The following CA5B variants were observed in gnomAD, a reference collection of about 807,000 sequenced individuals.
CA5B encodes carbonic anhydrase 5B, mitochondrial.
Under a neutral mutation model 23.1 loss-of-function variants are expected in CA5B, and 15 were observed. The ratio of observed to expected loss-of-function variants is 0.65; its 90% CI spans 0.43 to 1.00. The LOEUF is 1.00. CA5B is among the 50% of genes least tolerant of loss of function. The probability of loss-of-function intolerance (pLI) is 0.00; values close to 1 mark genes in which losing one functional copy is unlikely to be tolerated. For missense variants in CA5B, 236 were observed against 252.2 expected, an observed-to-expected ratio of 0.94 and a Z score of 0.43; for synonymous variants, 84 against 98.5, an observed-to-expected ratio of 0.85 and a Z score of 0.87.
intron 2 of CA5B, chrX:15,750,515 GTTTA>G (rs1047475402): frequency 7.1e-6 from 1 of 140,720 alleles, no homozygotes; most frequent in Non-Finnish European, 1.4e-5. Context: ...GGAACCTGTT[GTTTA>G]TTATTTCTTG....
chrX:15,776,619 C>T (rs1356245954), intron 6 of CA5B, 95 bp from the exon 7 acceptor site: 14 of 675,601 alleles, frequency 2.1e-5, no homozygotes, highest in Non-Finnish European at 3.0e-5. Flanking sequence ...CACTGCTGAT[C>T]TCCAGATACT....
Position 15,788,390 on chromosome X carries a change from T to C in CA5B, c.*5726T>C, listed in dbSNP as rs761406425. The C allele has an allele frequency of 1.2e-3, 139 of 111,942 alleles. No homozygotes were observed. Among genetic ancestry groups the C allele is most frequent in the African/African-American group, 4.5e-3 (139 of 30,857 alleles). The allele number at this position is 111,942 out of a possible 1,213,427, so 9.2% of individuals were successfully genotyped here. ...GGCTTATCTTACTCAGTTTTCACAA[T>C]AAAAGGGTTATGAGATGGGAACTAT... On this transcript the variant is annotated 3_prime_UTR_variant, in exon 8 of 8. Coordinates refer to ENST00000318636, the MANE Select transcript of CA5B (RefSeq NM_007220.4).
intron 3 of CA5B, chrX:15,767,140 G>T (rs1402841102): frequency 1.3e-6 from 1 of 788,156 alleles, no homozygotes; most frequent in Non-Finnish European, 1.5e-6. Flanking sequence ...TGCATGCATA[G>T]TAATCCTTTT....
In CA5B at chrX:15,759,734, C is replaced by CTTTTTTT. The variant is rs56915078; in HGVS notation, c.143-4818_143-4812dup. On this transcript the variant is annotated intron_variant, in intron 2 of 7. Coordinates refer to ENST00000318636, the MANE Select transcript of CA5B (RefSeq NM_007220.4). ...CCCATCAGCTAGAAATTACTGACAC[C>CTTTTTTT]TTTTTTTTTTTTTTTTTTTTTTTTT... is the stretch of plus-strand genomic sequence containing the variant. 4.5e-4 allele frequency among the ~76,000 whole-genome samples: 17 copies of CTTTTTTT among 37,417 alleles called. 2 individuals carry two copies. Among genetic ancestry groups the CTTTTTTT allele is most frequent in the African/African-American group, 2.0e-3 (15 of 7,626 alleles). The allele number at this position is 37,417 out of a possible 115,157, so 32.5% of individuals were successfully genotyped here.
chrX:15,786,070 C>T lies in CA5B; in HGVS notation c.*3406C>T, dbSNP rs1196749028. ...ATTTTAAGTAGAGACAGGGTTTCAC[C>T]GTGTTAACCAGGATGGTCTCGATCT... On this transcript the variant is annotated 3_prime_UTR_variant, in exon 8 of 8. Transcript: ENST00000318636. 9.0e-6 allele frequency: 1 copy of T among 110,847 alleles called. No homozygotes were observed. Among genetic ancestry groups the T allele is most frequent in the Non-Finnish European group, 1.9e-5 (1 of 52,937 alleles). The allele number at this position is 110,847 out of a possible 1,213,427, so 9.1% of individuals were successfully genotyped here.
chrX:15,772,341 T>G (rs1233159201), intron 3 of CA5B, among the ~76,000 whole-genome samples, 155 bp from the exon 4 acceptor site: 1 of 112,409 alleles, frequency 8.9e-6, no homozygotes, highest in Non-Finnish European at 1.9e-5. Context: ...GTGCATTGAC[T>G]TCATGAAAAT....
chrX:15,757,013 C>T (rs1404475143), intron 2 of CA5B, among the ~76,000 whole-genome samples: 1 of 104,943 alleles, frequency 9.5e-6, no homozygotes, highest in Non-Finnish European at 2.0e-5. Context: ...CGAGATCGCG[C>T]CACTGCTCTC....
intron 6 of CA5B, chrX:15,775,795 C>G (rs55729313): frequency 1.6e-3 from 1,194 of 740,512 alleles, no homozygotes; most frequent in Non-Finnish European, 1.9e-3. Flanking sequence ...CCCATATATT[C>G]TCTTCTTCTC....
chrX:15,743,265 G>A (rs1931159085), intron 1 of CA5B, among the ~76,000 whole-genome samples: 1 of 112,172 alleles, frequency 8.9e-6, no homozygotes, highest in African/African-American at 3.2e-5. Flanking sequence ...TATCTTCTCA[G>A]CGAGGCCTCC....
chrX:15,781,770 C>G (rs745882427), intron 7 of CA5B, among the ~76,000 whole-genome samples: 160 of 110,745 alleles, frequency 1.4e-3, no homozygotes, highest in African/African-American at 5.0e-3. Flanking sequence ...AAAAAATTAG[C>G]TGGGTGTGGC....
At chrX:15,762,711 A>G (rs914056640) in intron 2 of CA5B, 5 of 322,107 alleles carry the variant, frequency 1.6e-5, no homozygotes, top group Admixed American at 6.5e-5. Context: ...AGCCAGTGTC[A>G]TCCTTATTCT....
At chrX:15,770,185 C>T (rs1041839810) in intron 3 of CA5B, among the ~76,000 whole-genome samples, 5 of 109,671 alleles carry the variant, frequency 4.6e-5, no homozygotes, top group Non-Finnish European at 7.6e-5. Context: ...TGGTGGCACA[C>T]GCCTGTAATT....
At chrX:15,757,009 C>T (rs1229449292) in intron 2 of CA5B, among the ~76,000 whole-genome samples, 3 of 104,381 alleles carry the variant, frequency 2.9e-5, no homozygotes, top group Non-Finnish European at 3.9e-5. Context: ...GAGCCGAGAT[C>T]GCGCCACTGC....
At chrX:15,774,569 C>T (rs1214330749) in intron 5 of CA5B, among the ~76,000 whole-genome samples, 172 bp downstream of exon 5, 4 of 111,884 alleles carry the variant, frequency 3.6e-5, no homozygotes, top group Non-Finnish European at 7.5e-5. Context: ...CATGGTGGCT[C>T]ACGCCTGTAA....
intron 3 of CA5B, chrX:15,765,372 CT>C: frequency 4.0e-5 from 7 of 176,880 alleles, no homozygotes; most frequent in South Asian, 2.6e-4. Context: ...GATTTTGAAT[CT>C]TTTTTTTCAC....
chrX:15,766,792 A>C (rs1480984542), intron 3 of CA5B: 1 of 228,099 alleles, frequency 4.4e-6, no homozygotes, highest in African/African-American at 3.0e-5. Context: ...CTTTTAAAAT[A>C]TATTTAGTGG....
chrX:15,748,640 C>T (rs891221821), intron 1 of CA5B, among the ~76,000 whole-genome samples: 11 of 108,224 alleles, frequency 1.0e-4, no homozygotes, highest in Non-Finnish European at 1.7e-4. Flanking sequence ...CAGCACTTTG[C>T]GAGGCCATTA....
At chrX:15,752,625 T>C (rs1931391973) in intron 2 of CA5B, among the ~76,000 whole-genome samples, 1 of 110,246 alleles carries the variant, frequency 9.1e-6, no homozygotes, top group Non-Finnish European at 1.9e-5. Context: ...CTAAGGATGC[T>C]GAGGCATGAG....
rs1250548728 is a variant in CA5B, at chrX:15,786,678, A to G, written c.*4014A>G. On this transcript the variant is annotated 3_prime_UTR_variant, in exon 8 of 8. Transcript: ENST00000318636. Reference sequence around the variant, plus strand: ...CTTCCTATTGTTACAGTATATGTATATATCTGTAAAATTAATGAGATATCC... The same window carrying G: ...CTTCCTATTGTTACAGTATATGTATGTATCTGTAAAATTAATGAGATATCC... 3 of 111,391 alleles carry G rather than the reference A, an allele frequency of 2.7e-5. No individual in the cohort carries two copies. The highest frequency in any genetic ancestry group is 2.8e-4 in the East Asian group (1 of 3,553). The allele number at this position is 111,391 out of a possible 1,213,427, so 9.2% of individuals were successfully genotyped here.
Sources: allele counts gnomAD v4.1 joint callset (sites outside exome capture counted in the v4.1 genomes callset), GRCh38; gene constraint gnomAD v4.1.1; transcripts MANE v1.5; gene names NCBI Gene and HGNC (gene_info 2026-07-23, HGNC 2026-07-21).